NLRX1: variants seen among roughly 807,000 people sequenced by gnomAD.
NLRX1 encodes the protein NOD-like receptor X1.
In NLRX1, 67 loss-of-function variants were observed where a neutral mutation model predicts 74.2. The observed-to-expected ratio is 0.90, with a 90% confidence interval of 0.74 to 1.11. The LOEUF (loss-of-function observed/expected upper bound fraction) is 1.11, where lower values mean the gene tolerates loss of function less well. NLRX1 is among the 50% of genes least tolerant of loss of function. The pLI is 0.00. For synonymous variants in NLRX1, 506 were observed against 559.1 expected (o/e 0.91, Z 1.34); for missense variants, 1,191 against 1,305.4 (o/e 0.91, Z 1.35).
In NLRX1 at chr11:119,183,549, G is replaced by A; in HGVS notation, c.*110G>A. 2 of 1,112,072 alleles carry A rather than the reference G, an allele frequency of 1.8e-6. No homozygotes were observed. The highest frequency in any genetic ancestry group is 2.6e-6 in the Non-Finnish European group (2 of 763,334). The allele number at this position is 1,112,072 out of a possible 1,614,324, so 68.9% of individuals were successfully genotyped here. On this transcript the variant is annotated 3_prime_UTR_variant, in exon 10 of 10. Transcript: ENST00000409109. The surrounding 1 kb of genome is among the most constrained non-coding windows in gnomAD (Gnocchi z 5.7). Reference sequence around the variant, plus strand: ...TAGAAAGATTCCTTCAGGTCTGGAGGCAGAGGAATGGGCATAGCTGAGCCA... The same window carrying A: ...TAGAAAGATTCCTTCAGGTCTGGAGACAGAGGAATGGGCATAGCTGAGCCA...
chr11:119,178,441 C>G (rs1948750199), intron 6 of NLRX1, among the ~76,000 whole-genome samples: 1 of 152,154 alleles, frequency 6.6e-6, no homozygotes, highest in Non-Finnish European at 1.5e-5. Context: ...AGTCTGAGCT[C>G]CTCTCCCAGA....
At chr11:119,179,464 T>G (rs1047471757) in intron 6 of NLRX1, among the ~76,000 whole-genome samples, 16 of 152,150 alleles carry the variant, frequency 1.1e-4, no homozygotes, top group Admixed American at 6.5e-4. Flanking sequence ...CATCTCTAGT[T>G]TTAAGAAACG....
At chr11:119,180,387 G>C in intron 7 of NLRX1, 99 bp downstream of exon 7, 1 of 962,106 alleles carries the variant, frequency 1.0e-6, no homozygotes, top group South Asian at 1.8e-5. Context: ...GTACCGATGA[G>C]TGACCAGAAG....
In NLRX1 at chr11:119,173,696, C is replaced by T. The variant is rs1948612349; in HGVS notation, c.447C>T (p.Leu149=). Residue 149 remains leucine, a synonymous_variant, in exon 5 of 10, where the codon CTC becomes CTT. Transcript: ENST00000409109. The surrounding 1 kb of genome is among the most constrained non-coding windows in gnomAD (Gnocchi z 4.0). The part of the protein sequence containing the change: ...AGLPPLALSQ[L]FNPDACGRRV... The stretch of plus-strand genomic sequence containing the variant: ...TCCCCCCACTGGCCTTGTCTCAGCT[C>T]TTTAACCCGGATGCCTGTGGGCGCC... 2 of 1,614,088 alleles carry T rather than the reference C, an allele frequency of 1.2e-6. No individual in the cohort carries two copies. Among genetic ancestry groups the T allele is most frequent in the East Asian group, 2.2e-5 (1 of 44,884 alleles).
intron 3 of NLRX1, 113 bp from the exon 4 acceptor site, chr11:119,172,788 C>A: frequency 1.3e-6 from 1 of 790,462 alleles, no homozygotes; most frequent in Non-Finnish European, 2.2e-6. Context: ...CAGTGTGGGG[C>A]CTTTATCTCA....
In NLRX1 at chr11:119,174,060, A is replaced by G. The variant is rs1209664651; in HGVS notation, c.811A>G (p.Ile271Val). The G allele has an allele frequency of 6.2e-7, 1 of 1,614,064 alleles. No individual in the cohort carries two copies. The highest frequency in any genetic ancestry group is 8.5e-7 in the Non-Finnish European group (1 of 1,179,998). Residue 271 changes from isoleucine to valine, a missense_variant, in exon 5 of 10, where the codon ATC becomes GTC. Ile to Val is a conservative substitution (Grantham distance 29). Transcript: ENST00000409109. ...GGAGGAACCGCAGGAACCAGCTGCT[A>G]TCATCGTCAACCTGCTGCGCAAATA... ...DPEEPQEPAA[I>V]IVNLLRKYML...
chr11:119,174,966 G>A lies in NLRX1; in HGVS notation c.1363G>A (p.Ala455Thr). ...SEEDVCGCLEAGIRTEEEFQL... is the reference protein window; with the variant it reads ...SEEDVCGCLETGIRTEEEFQL... ...AGAGGATGTCTGTGGCTGCCTGGAG[G>A]CTGGCATCAGGACGGAGGAGGAGTT... is the stretch of plus-strand genomic sequence containing the variant. The change falls in exon 6 of 10, where the codon GCT becomes ACT. Residue 455 changes from alanine to threonine, a missense_variant. Physicochemically the swap from Ala to Thr is moderately conservative, Grantham distance 58 (BLOSUM62 0). Coordinates refer to ENST00000409109, the MANE Select transcript of NLRX1 (RefSeq NM_001282144.2). 6.2e-7 allele frequency: 1 copy of A among 1,614,060 alleles called. No individual in the cohort carries two copies. The highest frequency in any genetic ancestry group is 8.5e-7 in the Non-Finnish European group (1 of 1,180,048).
chr11:119,171,590 T>TCTCTAGCTGTTGACCTTGAG (rs1448550475), intron 2 of NLRX1, 117 bp downstream of exon 2: 3 of 677,250 alleles, frequency 4.4e-6, no homozygotes, highest in Non-Finnish European at 7.6e-6. Context: ...GCTCCGTGGT[T>TCTCTAGCTGTTGACCTTGAG]CTCTAGCTGT....
chr11:119,179,534 G>A (rs78090448), intron 6 of NLRX1, among the ~76,000 whole-genome samples, 159 bp from the exon 7 acceptor site: 295 of 152,316 alleles, frequency 1.9e-3, no homozygotes, highest in African/African-American at 7.0e-3. Flanking sequence ...AGCCATGGAA[G>A]GTGTCGCAGC....
rs1233433886 is a variant in NLRX1 at position 119,183,896 on chromosome 11, A to G, written c.*457A>G. Reference sequence around the variant, plus strand: ...ACCTGTGGACACCGAGGATGCCCTCACATTGGTGCTTTCTCCTCATCCTCA... The same window carrying G: ...ACCTGTGGACACCGAGGATGCCCTCGCATTGGTGCTTTCTCCTCATCCTCA... On this transcript the variant is annotated 3_prime_UTR_variant, in exon 10 of 10. Coordinates refer to ENST00000409109, the MANE Select transcript of NLRX1 (RefSeq NM_001282144.2). This position sits in a 1 kb window ranked among gnomAD's most constrained non-coding sequence, Gnocchi z 5.7. 1 of 780,822 alleles carries G rather than the reference A, an allele frequency of 1.3e-6. No individual in the cohort carries two copies. The highest frequency in any genetic ancestry group is 2.4e-5 in the East Asian group (1 of 41,248). The allele number at this position is 780,822 out of a possible 1,614,324, so 48.4% of individuals were successfully genotyped here.
In NLRX1 at chr11:119,173,633, G is replaced by A. The variant is rs138421929; in HGVS notation, c.384G>A (p.Ala128=). The change falls in exon 5 of 10, where the codon GCG becomes GCA. Residue 128 remains alanine, a synonymous_variant. Transcript: ENST00000409109. This position sits in a 1 kb window ranked among gnomAD's most constrained non-coding sequence, Gnocchi z 4.0. ...STPDELLRPP[A]ELALEHQPPQ... is the part of the protein sequence containing the mutation. Reference sequence around the variant, plus strand: ...CTGATGAGCTACTTCGCCCACCCGCGGAGCTGGCCCTGGAGCATCAGCCAC... The same window carrying A: ...CTGATGAGCTACTTCGCCCACCCGCAGAGCTGGCCCTGGAGCATCAGCCAC... 3.7e-5 allele frequency: 60 copies of A among 1,613,968 alleles called. No homozygotes were observed. Among genetic ancestry groups the A allele is most frequent in the African/African-American group, 2.8e-4 (21 of 74,934 alleles).
chr11:119,181,529 G>A lies in NLRX1; in HGVS notation c.2354+272G>A, dbSNP rs546067415. On this transcript the variant is annotated intron_variant, in intron 8 of 9. Transcript: ENST00000409109. ...GAGAGGGTGGAATAATACCTAGGCC[G>A]GTTGCCTGGTAACAGTGCCACTGAT... Among the ~76,000 whole-genome samples the A allele has an allele frequency of 7.2e-5, 11 of 152,168 alleles. No homozygotes were observed. In the East Asian group the frequency reaches 1.7e-3, roughly 24 times the overall value.
In NLRX1 at chr11:119,174,942, G is replaced by A; in HGVS notation, c.1339G>A (p.Glu447Lys). 6.2e-7 allele frequency: 1 copy of A among 1,614,090 alleles called. No individual in the cohort carries two copies. The highest frequency in any genetic ancestry group is 1.3e-5 in the African/African-American group (1 of 75,072). ...CTCCCGCAAGACCTACTTCTCTGAA[G>A]AGGATGTCTGTGGCTGCCTGGAGGC... Reference protein sequence around the residue: ...VSSRKTYFSEEDVCGCLEAGI... With the variant: ...VSSRKTYFSEKDVCGCLEAGI... The change falls in exon 6 of 10, where the codon GAG (glutamate) becomes AAG (lysine). Residue 447 changes from glutamate to lysine, a missense_variant. By Grantham distance (56) the Glu-to-Lys change is moderately conservative. Coordinates refer to ENST00000409109, the MANE Select transcript of NLRX1 (RefSeq NM_001282144.2).
At chr11:119,179,214 C>T (rs1272404138) in intron 6 of NLRX1, among the ~76,000 whole-genome samples, 2 of 152,188 alleles carry the variant, frequency 1.3e-5, no homozygotes. Context: ...CTAATTCCTT[C>T]TCACCACCTC....
In NLRX1 at chr11:119,173,643, C is replaced by G. The variant is rs748567690; in HGVS notation, c.394C>G (p.Leu132Val). The change falls in exon 5 of 10, where the codon CTG becomes GTG. Residue 132 changes from leucine (L) to valine (V), a missense_variant. Coordinates refer to ENST00000409109, the MANE Select transcript of NLRX1 (RefSeq NM_001282144.2). This position sits in a 1 kb window ranked among gnomAD's most constrained non-coding sequence, Gnocchi z 4.0. Reference sequence around the variant, plus strand: ...ACTTCGCCCACCCGCGGAGCTGGCCCTGGAGCATCAGCCACCCCAGGCCGG... The same window carrying G: ...ACTTCGCCCACCCGCGGAGCTGGCCGTGGAGCATCAGCCACCCCAGGCCGG... ...ELLRPPAELA[L>V]EHQPPQAGLP... 1.2e-6 allele frequency: 2 copies of G among 1,614,110 alleles called. No individual in the cohort carries two copies. The highest frequency in any genetic ancestry group is 1.1e-5 in the South Asian group (1 of 91,090).
intron 6 of NLRX1, among the ~76,000 whole-genome samples, chr11:119,179,028 G>T (rs1338410966): frequency 6.6e-6 from 1 of 152,062 alleles, no homozygotes; most frequent in East Asian, 1.9e-4. Flanking sequence ...CTGTTAAGAT[G>T]AAAAAAGCCG....
In NLRX1 at chr11:119,184,016, A is replaced by G. The variant is rs762882017; in HGVS notation, c.*577A>G. The G allele has an allele frequency of 4.2e-6, 3 of 710,258 alleles. No homozygotes were observed. Among genetic ancestry groups the G allele is most frequent in the South Asian group, 1.5e-5 (1 of 64,660 alleles). 44.0% of individuals were successfully genotyped at this position (710,258 alleles called of 1,614,324 possible). On this transcript the variant is annotated 3_prime_UTR_variant, in exon 10 of 10. Transcript: ENST00000409109. ...TTAAAAAGCCGTGTGCCTTCTACCAATTGTGGCCTCTTCTTTACTGCCTGG... is the reference window on the plus strand; with the variant it reads ...TTAAAAAGCCGTGTGCCTTCTACCAGTTGTGGCCTCTTCTTTACTGCCTGG...
chr11:119,168,334 C>T (rs1028309287), upstream of NLRX1: 1 of 152,304 alleles, frequency 6.6e-6, no homozygotes, highest in Non-Finnish European at 1.5e-5. Context: ...CCCATTCTTC[C>T]TTCTTTCTTA....
rs1052385226 is a variant in NLRX1, at chr11:119,169,231, A to G, written c.-120A>G. The stretch of plus-strand genomic sequence containing the variant: ...AGTCTCCCCCTGCGTTCCCGAGGCC[A>G]CCCGAAAGTAGGAGAGCTGTTTGGG... On this transcript the variant is annotated 5_prime_UTR_variant, in exon 1 of 10. Transcript: ENST00000409109. 1 of 152,556 alleles carries G rather than the reference A, an allele frequency of 6.6e-6. No individual in the cohort carries two copies. Among genetic ancestry groups the G allele is most frequent in the African/African-American group, 2.4e-5 (1 of 41,448 alleles). 9.5% of individuals were successfully genotyped at this position (152,556 alleles called of 1,614,324 possible).
Sources: allele counts gnomAD v4.1 joint callset (sites outside exome capture counted in the v4.1 genomes callset), GRCh38; gene constraint gnomAD v4.1.1; non-coding constraint Gnocchi (gnomAD v3.1); transcripts MANE v1.5; gene names NCBI Gene and HGNC (gene_info 2026-07-23, HGNC 2026-07-21).